Variants in MCF2 observed in about 807,000 individuals in gnomAD.
MCF2 encodes proto-oncogene DBL.
Under a neutral mutation model 82.5 loss-of-function variants are expected in MCF2, and 44 were observed. The observed-to-expected ratio is 0.53, with a 90% confidence interval of 0.42 to 0.69. The LOEUF (loss-of-function observed/expected upper bound fraction) is 0.69. Ranked by LOEUF, MCF2 falls within the 30% of genes least tolerant of loss-of-function variation. The pLI, the probability that MCF2 is intolerant of heterozygous loss-of-function variation, is 0.00. For missense variants in MCF2, 623 were observed against 663.1 expected, an observed-to-expected ratio of 0.94 and a Z score of 0.66; for synonymous variants, 217 against 224.9, an observed-to-expected ratio of 0.96 and a Z score of 0.32.
chrX:139,697,815 C>A (rs116566086), intron 1 of MCF2, among the ~76,000 whole-genome samples: 1,640 of 112,287 alleles, frequency 0.015, 25 homozygotes, highest in African/African-American at 0.05. Context: ...AATATGATTT[C>A]TGTTGTGCTT....
rs958250186 is a variant in MCF2, at chrX:139,708,087, A to G, written c.-45+19T>C. ...CCCAATCCATTTCTTATATTACTCT[A>G]AGGTAAAGAAATACTTACCACAAAT... On this transcript the variant is annotated intron_variant, in intron 1 of 27. Coordinates refer to the MCF2 transcript ENST00000414978. The G allele has an allele frequency of 4.5e-5, 5 of 112,036 alleles. No individual in the cohort carries two copies. The highest frequency in any genetic ancestry group is 1.6e-4 in the African/African-American group (5 of 30,822). 9.2% of individuals were successfully genotyped at this position (112,036 alleles called of 1,213,427 possible).
At chrX:139,613,754 G>A in intron 10 of MCF2, among the ~76,000 whole-genome samples, 1 of 110,332 alleles carries the variant, frequency 9.1e-6, no homozygotes, top group Non-Finnish European at 1.9e-5. Flanking sequence ...TTTTTATTTT[G>A]TTATCTTTAC....
chrX:139,677,698 C>T (rs752318418), intron 1 of MCF2, among the ~76,000 whole-genome samples: 4 of 111,742 alleles, frequency 3.6e-5, no homozygotes. Context: ...CCATATCTCA[C>T]GTCTTGTGTA....
At chrX:139,590,377 T>G (rs1055202154) in intron 19 of MCF2, among the ~76,000 whole-genome samples, 1 of 110,986 alleles carries the variant, frequency 9.0e-6, no homozygotes, top group Non-Finnish European at 1.9e-5. Context: ...ATAGAAGTCC[T>G]ACAAGTTATA....
intron 9 of MCF2, among the ~76,000 whole-genome samples, chrX:139,615,580 G>T (rs955404517): frequency 1.8e-5 from 2 of 111,815 alleles, no homozygotes; most frequent in Admixed American, 1.9e-4. Flanking sequence ...TGCTTCCAGA[G>T]AATCACTTGG....
At chrX:139,672,774 C>A (rs1934740522) in intron 1 of MCF2, among the ~76,000 whole-genome samples, 1 of 111,741 alleles carries the variant, frequency 8.9e-6, no homozygotes, top group South Asian at 3.8e-4. Context: ...GCCTAAAATT[C>A]TCTTTTTTTG....
At chrX:139,679,582 A>G (rs866542643) in intron 1 of MCF2, among the ~76,000 whole-genome samples, 13 of 110,811 alleles carry the variant, frequency 1.2e-4, no homozygotes, top group African/African-American at 4.3e-4. Context: ...GGGACTCTAC[A>G]TCTAGAGGCA....
intron 7 of MCF2, 38 bp downstream of exon 10, chrX:139,619,549 A>G: frequency 4.8e-6 from 5 of 1,038,996 alleles, no homozygotes; most frequent in Non-Finnish European, 5.2e-6. Context: ...TGACTATTAT[A>G]CTGTATAATA....
At chrX:139,655,801 T>A (rs997224321) in intron 1 of MCF2, among the ~76,000 whole-genome samples, 3 of 111,541 alleles carry the variant, frequency 2.7e-5, no homozygotes. Context: ...GATCATGTCA[T>A]CTACAAACAA....
intron 1 of MCF2, among the ~76,000 whole-genome samples, chrX:139,664,074 G>A (rs761454929): frequency 2.7e-5 from 3 of 109,606 alleles, no homozygotes; most frequent in Non-Finnish European, 5.7e-5. Flanking sequence ...GTGCGATTTC[G>A]GCTCACTGCA....
intron 6 of MCF2, among the ~76,000 whole-genome samples, chrX:139,624,204 T>A (rs1330522815): frequency 9.0e-6 from 1 of 111,430 alleles, no homozygotes; most frequent in Non-Finnish European, 1.9e-5. Context: ...CATGAGAAGA[T>A]GTCCAACAAA....
intron 19 of MCF2, among the ~76,000 whole-genome samples, chrX:139,590,558 T>A (rs1487920358): frequency 1.0e-5 from 1 of 97,935 alleles, no homozygotes; most frequent in African/African-American, 3.9e-5. Flanking sequence ...TCTTCCTTAT[T>A]CCTTACCACA....
intron 19 of MCF2, among the ~76,000 whole-genome samples, chrX:139,594,110 T>C (rs1175955516): frequency 1.8e-5 from 2 of 110,819 alleles, no homozygotes; most frequent in African/African-American, 3.3e-5. Context: ...TCCATGCTCA[T>C]GGGTAGGAAG....
At chrX:139,656,359 G>A (rs1026095118) in intron 1 of MCF2, among the ~76,000 whole-genome samples, 4 of 112,193 alleles carry the variant, frequency 3.6e-5, no homozygotes, top group African/African-American at 1.3e-4. Context: ...ACCGCACCCG[G>A]CCAGTAAATG....
chrX:139,664,448 T>G (rs759761484), intron 1 of MCF2, among the ~76,000 whole-genome samples: 1 of 112,539 alleles, frequency 8.9e-6, no homozygotes, highest in Admixed American at 9.4e-5. Flanking sequence ...AGTCTATGTG[T>G]TTCTTTACTG....
At chrX:139,605,814 A>G (rs1335748395) in intron 12 of MCF2, 35 bp from the exon 17 acceptor site, 1 of 1,016,287 alleles carries the variant, frequency 9.8e-7, no homozygotes, top group Non-Finnish European at 1.4e-6. Context: ...CAGTTATTTT[A>G]TTACTGAGAT....
intron 1 of MCF2, among the ~76,000 whole-genome samples, chrX:139,673,523 T>C (rs1452468420): frequency 8.9e-6 from 1 of 112,139 alleles, no homozygotes; most frequent in African/African-American, 3.2e-5. Context: ...GTGTCTTTGT[T>C]CTCATTGGTT....
chrX:139,680,757 A>C (rs1200998394), intron 1 of MCF2, among the ~76,000 whole-genome samples: 3 of 112,459 alleles, frequency 2.7e-5, no homozygotes, highest in Admixed American at 9.4e-5. Context: ...AGACGTGACT[A>C]AATGCCAGAT....
At chrX:139,629,876 T>C in intron 3 of MCF2, 32 bp from the exon 7 acceptor site, 2 of 1,173,462 alleles carry the variant, frequency 1.7e-6, no homozygotes, top group Non-Finnish European at 2.3e-6. Flanking sequence ...TTTAATTATA[T>C]GGTCACTCTG....
Sources: allele counts gnomAD v4.1 joint callset (sites outside exome capture counted in the v4.1 genomes callset), GRCh38; gene constraint gnomAD v4.1.1; transcripts MANE v1.5; gene names NCBI Gene and HGNC (gene_info 2026-07-23, HGNC 2026-07-21).